FHOD3: variants seen among roughly 807,000 people sequenced by gnomAD.
FHOD3 encodes the protein formin homology 2 domain containing 3.
In FHOD3, 90 loss-of-function variants were observed where a neutral mutation model predicts 173.0. That is an observed-to-expected ratio of 0.52 (90% CI 0.44 to 0.62). FHOD3 has a LOEUF of 0.62. Among genes scored for constraint, FHOD3 ranks in the 20% least tolerant of loss-of-function variants. FHOD3 has a pLI of 0.00. For synonymous variants in FHOD3, 828 were observed against 823.0 expected, an observed-to-expected ratio of 1.01 and a Z score of -0.10; for missense variants, 1,945 against 2,034.7, an observed-to-expected ratio of 0.96 and a Z score of 0.85.
At chr18:36,499,801 G>A (rs911377831) in intron 3 of FHOD3, among the ~76,000 whole-genome samples, 12 of 152,108 alleles carry the variant, frequency 7.9e-5, no homozygotes, top group Non-Finnish European at 4.4e-5. Flanking sequence ...TGATTCCTCT[G>A]GAGCTTTCTA....
At chr18:36,471,378 C>T (rs891327661) in intron 3 of FHOD3, among the ~76,000 whole-genome samples, 4 of 152,206 alleles carry the variant, frequency 2.6e-5, no homozygotes, top group Non-Finnish European at 5.9e-5. Flanking sequence ...CCTGAGGCTA[C>T]ACCTCCTCCC....
chr18:36,648,275 A>G (rs2035822083), intron 10 of FHOD3, among the ~76,000 whole-genome samples: 1 of 152,170 alleles, frequency 6.6e-6, no homozygotes. Flanking sequence ...GGTGAGGTCT[A>G]GAGTGGGAGG....
At chr18:36,727,334 T>G (rs568178750) in intron 19 of FHOD3, among the ~76,000 whole-genome samples, 52 of 152,166 alleles carry the variant, frequency 3.4e-4, no homozygotes, top group African/African-American at 1.1e-3. Flanking sequence ...TGCTTTAGAT[T>G]ATTGTCAGAG....
chr18:36,508,341 G>T (rs1298077943), intron 4 of FHOD3, among the ~76,000 whole-genome samples: 3 of 151,850 alleles, frequency 2.0e-5, no homozygotes, highest in Non-Finnish European at 4.4e-5. Flanking sequence ...CAACGAGATT[G>T]TGGTCTGAAA....
intron 10 of FHOD3, among the ~76,000 whole-genome samples, chr18:36,641,722 G>C (rs781723266): frequency 6.6e-6 from 1 of 152,116 alleles, no homozygotes; most frequent in Admixed American, 6.5e-5. Context: ...TTGGGAGGCC[G>C]AGATGGGTGG....
chr18:36,683,097 C>G (rs658167), intron 15 of FHOD3, among the ~76,000 whole-genome samples: 103,538 of 152,088 alleles, frequency 0.68, 35,537 homozygotes, highest in African/African-American at 0.77. Context: ...AGCATACCCT[C>G]AGCTGTCACA....
At chr18:36,744,810 T>G (rs1292473213) in intron 23 of FHOD3, among the ~76,000 whole-genome samples, 10 of 152,222 alleles carry the variant, frequency 6.6e-5, no homozygotes. Flanking sequence ...CCTGGCTGCC[T>G]CTAGTGCAGG....
At chr18:36,591,424 G>T (rs2059212817) in intron 6 of FHOD3, among the ~76,000 whole-genome samples, 1 of 152,172 alleles carries the variant, frequency 6.6e-6, no homozygotes, top group Non-Finnish European at 1.5e-5. Context: ...GAGGCTGGGG[G>T]CTGGGAGGGC....
chr18:36,765,749 T>A (rs963321921), intron 27 of FHOD3, among the ~76,000 whole-genome samples: 1 of 152,032 alleles, frequency 6.6e-6, no homozygotes, highest in African/African-American at 2.4e-5. Flanking sequence ...GATTAGTGAA[T>A]TCAAAGGCAG....
intron 3 of FHOD3, among the ~76,000 whole-genome samples, chr18:36,404,703 T>G (rs1317875077): frequency 6.6e-6 from 1 of 152,088 alleles, no homozygotes; most frequent in Non-Finnish European, 1.5e-5. Context: ...CAGTGGCTAT[T>G]GGGGGGCTCA....
chr18:36,362,705 A>C (rs1482684310), intron 2 of FHOD3, among the ~76,000 whole-genome samples: 2 of 152,194 alleles, frequency 1.3e-5, no homozygotes, highest in Non-Finnish European at 2.9e-5. Flanking sequence ...AGGTGGCAGC[A>C]CCCAGATGAT....
chr18:36,776,825 CA>C (rs2094206637), intron 28 of FHOD3, among the ~76,000 whole-genome samples: 1 of 152,186 alleles, frequency 6.6e-6, no homozygotes, highest in South Asian at 2.1e-4. Context: ...TCTGTGCTGT[CA>C]GGTAGCAAGA....
intron 6 of FHOD3, among the ~76,000 whole-genome samples, chr18:36,592,217 T>C (rs960216749): frequency 1.3e-5 from 2 of 152,014 alleles, no homozygotes; most frequent in Non-Finnish European, 2.9e-5. Flanking sequence ...AGACTCCATC[T>C]CAAAAAAAAT....
At chr18:36,703,686 A>G (rs1028401510) in intron 17 of FHOD3, among the ~76,000 whole-genome samples, 1 of 152,176 alleles carries the variant, frequency 6.6e-6, no homozygotes, top group Non-Finnish European at 1.5e-5. Flanking sequence ...TGGGAGGGAC[A>G]AAGAAAACAA....
At chr18:36,388,990 G>T (rs185805025) in intron 3 of FHOD3, among the ~76,000 whole-genome samples, 5 of 152,004 alleles carry the variant, frequency 3.3e-5, no homozygotes, top group African/African-American at 7.3e-5. Context: ...GGATGGGGGG[G>T]CCCTGATAGG....
At chr18:36,652,268 G>T (rs1023048974) in intron 11 of FHOD3, among the ~76,000 whole-genome samples, 1 of 152,190 alleles carries the variant, frequency 6.6e-6, no homozygotes, top group African/African-American at 2.4e-5. Context: ...AGTCTTTGGG[G>T]CTCCAGTAAA....
At chr18:36,571,449 TCTC>T (rs767509715) in intron 5 of FHOD3, among the ~76,000 whole-genome samples, 1 of 152,228 alleles carries the variant, frequency 6.6e-6, no homozygotes, top group Non-Finnish European at 1.5e-5. Flanking sequence ...AGATGTCAGT[TCTC>T]CTAGAATTTA....
rs2030632000 is a variant in FHOD3 at position 36,597,434 on chromosome 18, GTTTTGTTTTT to G, written c.718+2537_718+2546del. On this transcript the variant is annotated intron_variant, in intron 7 of 28. Coordinates refer to ENST00000590592, the MANE Select transcript of FHOD3 (RefSeq NM_001281740.3). Reference sequence around the variant, plus strand: ...ATTGTTTTTGTTTTTGTTTTGTTTTGTTTTGTTTTTGAGATGGAGTCTCACTCTGTTGCCC... The same window carrying G: ...ATTGTTTTTGTTTTTGTTTTGTTTTGGAGATGGAGTCTCACTCTGTTGCCC... Among the ~76,000 whole-genome samples, 4 of 151,992 alleles carry G rather than the reference GTTTTGTTTTT, an allele frequency of 2.6e-5. No homozygotes were observed. In the South Asian group the frequency reaches 8.3e-4, roughly 31 times the overall value.
intron 23 of FHOD3, among the ~76,000 whole-genome samples, chr18:36,745,716 C>T (rs925533594): frequency 1.3e-5 from 2 of 151,450 alleles, no homozygotes; most frequent in Admixed American, 6.6e-5. Flanking sequence ...CAGCCCCTCC[C>T]GACCCCGTAC....
Sources: allele counts gnomAD v4.1 joint callset (sites outside exome capture counted in the v4.1 genomes callset), GRCh38; gene constraint gnomAD v4.1.1; transcripts MANE v1.5; gene names NCBI Gene and HGNC (gene_info 2026-07-23, HGNC 2026-07-21).